Variants in ZNF716 observed in about 807,000 individuals in gnomAD.
ZNF716 encodes the protein zinc finger protein 716.
Under a neutral mutation model 13.4 loss-of-function variants are expected in ZNF716, and 9 were observed. The observed-to-expected ratio is 0.67, with a 90% CI of 0.41 to 1.18. The LOEUF (loss-of-function observed/expected upper bound fraction) is 1.18, where lower values mean the gene tolerates loss of function less well. ZNF716 is among the 50% of genes most tolerant of loss of function. The pLI, the probability that ZNF716 is intolerant of heterozygous loss-of-function variation, is 0.01. For missense variants in ZNF716, 581 were observed against 576.6 expected (o/e 1.01, Z -0.08); for synonymous variants, 186 against 195.2 (o/e 0.95, Z 0.39).
At position 57,473,107 on chromosome 7, in the gene ZNF716, C is replaced by A. The variant is rs1333806150; in HGVS notation, c.*3158C>A. 5.9e-5 allele frequency: 9 copies of A among 152,088 alleles called. No individual in the cohort carries two copies. 9.4% of individuals were successfully genotyped at this position (152,088 alleles called of 1,614,324 possible). On this transcript the variant is annotated 3_prime_UTR_variant, in exon 4 of 4. Transcript: ENST00000420713. ...GAGTATAATTAATACCCATACATTTCTGAGTCTTGATTAAATATTTTTAAA... is the reference window on the plus strand; with the variant it reads ...GAGTATAATTAATACCCATACATTTATGAGTCTTGATTAAATATTTTTAAA...
At position 57,468,855 on chromosome 7, in the gene ZNF716, G is replaced by A. The variant is rs1157429071; in HGVS notation, c.394G>A (p.Val132Ile). Residue 132 changes from valine (V) to isoleucine (I), a missense_variant, in exon 4 of 4, where the codon GTA (valine) becomes ATA (isoleucine). Physicochemically the swap from Val to Ile is conservative, Grantham distance 29. Transcript: ENST00000420713. ...ACAAGTAAAAAAATGCTGTAAAAGT[G>A]TAGGTGAGTGTGAGGTGCACAAAGG... ...DLQVKKCCKS[V>I]GECEVHKGGY... is the part of the protein sequence containing the mutation. 1.2e-6 allele frequency: 2 copies of A among 1,613,560 alleles called. No homozygotes were observed. Among genetic ancestry groups the A allele is most frequent in the African/African-American group, 2.7e-5 (2 of 74,894 alleles).
At position 57,469,603 on chromosome 7, in the gene ZNF716, C is replaced by T. The variant is rs879982410; in HGVS notation, c.1142C>T (p.Thr381Ile). 1.2e-6 allele frequency: 2 copies of T among 1,603,458 alleles called. No homozygotes were observed. Among genetic ancestry groups the T allele is most frequent in the Non-Finnish European group, 1.7e-6 (2 of 1,176,790 alleles). ...KRIHTGEKPY[T>I]CEECGKAFSL... ...ATTCATACTGGAGAGAAACCCTACA[C>T]TTGTGAAGAATGTGGCAAAGCCTTT... is the stretch of plus-strand genomic sequence containing the variant. The change falls in exon 4 of 4, where the codon ACT becomes ATT. Residue 381 changes from threonine (T) to isoleucine (I), a missense_variant. By Grantham distance (89) the Thr-to-Ile change is moderately conservative. Coordinates refer to ENST00000420713, the MANE Select transcript of ZNF716 (RefSeq NM_001159279.1).
chr7:57,462,039 A>T (rs1259656587), intron 1 of ZNF716, among the ~76,000 whole-genome samples: 1 of 152,024 alleles, frequency 6.6e-6, no homozygotes, highest in Non-Finnish European at 1.5e-5. Context: ...TCATGCCTGT[A>T]GTCCCAGCTA....
At chr7:57,451,886 C>T (rs973055424) in intron 1 of ZNF716, among the ~76,000 whole-genome samples, 29 of 151,934 alleles carry the variant, frequency 1.9e-4, no homozygotes, top group African/African-American at 6.8e-4. Context: ...CCTGCCTCAG[C>T]CTCCCAGGTA....
At chr7:57,451,256 C>A (rs1483622879) in intron 1 of ZNF716, among the ~76,000 whole-genome samples, 4 of 151,890 alleles carry the variant, frequency 2.6e-5, no homozygotes, top group Non-Finnish European at 5.9e-5. Context: ...CTGAAGTGAT[C>A]CGCCTGCCTT....
chr7:57,469,155 A>G lies in ZNF716; in HGVS notation c.694A>G (p.Lys232Glu). The G allele has an allele frequency of 6.2e-7, 1 of 1,612,082 alleles. No homozygotes were observed. Among genetic ancestry groups the G allele is most frequent in the Non-Finnish European group, 8.5e-7 (1 of 1,178,972 alleles). ...FNCSSTLTRH[K>E]RIHTGEKPYR... ...CTGCTCTTCAACCCTTACTAGACAT[A>G]AAAGAATTCATACTGGAGAGAAACC... is the stretch of plus-strand genomic sequence containing the variant. Residue 232 changes from lysine to glutamate, a missense_variant, in exon 4 of 4, where the codon AAA becomes GAA. Coordinates refer to ENST00000420713, the MANE Select transcript of ZNF716 (RefSeq NM_001159279.1).
chr7:57,459,242 TCA>T (rs1789661228), intron 1 of ZNF716, among the ~76,000 whole-genome samples: 1 of 151,826 alleles, frequency 6.6e-6, no homozygotes, highest in Non-Finnish European at 1.5e-5. Flanking sequence ...GAAAATTAAA[TCA>T]CAAAATGTGT....
chr7:57,462,479 A>G lies in ZNF716; in HGVS notation c.59A>G (p.Asp20Gly). 1 of 1,613,922 alleles carries G rather than the reference A, an allele frequency of 6.2e-7. No individual in the cohort carries two copies. Among genetic ancestry groups the G allele is most frequent in the Non-Finnish European group, 8.5e-7 (1 of 1,179,954 alleles). Residue 20 changes from aspartate (D) to glycine (G), a missense_variant, in exon 2 of 4, where the codon GAC (aspartate) becomes GGC (glycine). Asp to Gly is a moderately conservative substitution (Grantham distance 94). Coordinates refer to ENST00000420713, the MANE Select transcript of ZNF716 (RefSeq NM_001159279.1). The stretch of plus-strand genomic sequence containing the variant: ...TTTTAGGGACTGTTGACATTCAGAG[A>G]CATAGCTATAGAATTTTCTCTGGCG... ...SREMGLLTFRDIAIEFSLAEW... is the reference protein window; with the variant it reads ...SREMGLLTFRGIAIEFSLAEW...
At chr7:57,459,627 C>A (rs1184343762) in intron 1 of ZNF716, among the ~76,000 whole-genome samples, 2 of 152,090 alleles carry the variant, frequency 1.3e-5, no homozygotes, top group Non-Finnish European at 2.9e-5. Flanking sequence ...GCCAAGATTA[C>A]CAAGTGATTT....
At chr7:57,456,823 G>A (rs1789601063) in intron 1 of ZNF716, among the ~76,000 whole-genome samples, 1 of 152,076 alleles carries the variant, frequency 6.6e-6, no homozygotes, top group African/African-American at 2.4e-5. Flanking sequence ...GCCTGGAGGG[G>A]GACTCTGGAT....
chr7:57,464,747 A>C (rs561971718), intron 3 of ZNF716, among the ~76,000 whole-genome samples: 1 of 151,850 alleles, frequency 6.6e-6, no homozygotes, highest in Non-Finnish European at 1.5e-5. Context: ...TGTTGAAAAA[A>C]TTTTTTATAT....
chr7:57,451,052 C>T (rs376303971), intron 1 of ZNF716, among the ~76,000 whole-genome samples: 4 of 151,058 alleles, frequency 2.6e-5, no homozygotes, highest in Non-Finnish European at 5.9e-5. Context: ...GAGGGAGTCT[C>T]GCTCTGTTGC....
In ZNF716 at chr7:57,462,998, AC is replaced by A; in HGVS notation, c.167-74del. ...TAGAATTTTCTATCATATCCTCTTT[AC>A]TAAGCATAATACTTGTTTGGTAATT... is the stretch of plus-strand genomic sequence containing the variant. On this transcript the variant is annotated intron_variant, in intron 2 of 3. Transcript: ENST00000420713. 2.6e-6 allele frequency: 4 copies of A among 1,557,952 alleles called. No homozygotes were observed. In the South Asian group the frequency reaches 4.7e-5, roughly 18 times the overall value.
At chr7:57,455,602 C>G (rs1393824062) in intron 1 of ZNF716, among the ~76,000 whole-genome samples, 1 of 151,938 alleles carries the variant, frequency 6.6e-6, no homozygotes, top group African/African-American at 2.4e-5. Flanking sequence ...TTGCAATCTC[C>G]ACCTCCTGGA....
chr7:57,466,111 AC>A, intron 3 of ZNF716, among the ~76,000 whole-genome samples: 1 of 152,194 alleles, frequency 6.6e-6, no homozygotes. Context: ...GGTGCAGCAC[AC>A]CAGCATGGCA....
chr7:57,459,732 G>C (rs1408594648), intron 1 of ZNF716, among the ~76,000 whole-genome samples: 5 of 152,162 alleles, frequency 3.3e-5, no homozygotes, highest in Admixed American at 2.6e-4. Flanking sequence ...CAGTTTGGTA[G>C]GAAGAGGTCA....
At chr7:57,460,713 G>A (rs1789693616) in intron 1 of ZNF716, among the ~76,000 whole-genome samples, 2 of 151,962 alleles carry the variant, frequency 1.3e-5, no homozygotes, top group Admixed American at 1.3e-4. Flanking sequence ...ATATTTCTTT[G>A]GGGAAACACA....
At chr7:57,454,799 C>T (rs1334777598) in intron 1 of ZNF716, among the ~76,000 whole-genome samples, 7 of 151,952 alleles carry the variant, frequency 4.6e-5, no homozygotes, top group East Asian at 1.9e-4. Context: ...CCGAGGCGGG[C>T]GGATCATGAG....
chr7:57,464,040 G>A (rs1365303754), intron 3 of ZNF716, among the ~76,000 whole-genome samples: 1 of 149,420 alleles, frequency 6.7e-6, no homozygotes, highest in Non-Finnish European at 1.5e-5. Context: ...TATTAATTTT[G>A]TGCAACCTTT....
Sources: gnomAD v4.1 joint callset for allele counts (sites outside exome capture counted in the v4.1 genomes callset) on GRCh38, gnomAD v4.1.1 for gene constraint, MANE v1.5 for transcripts, NCBI Gene and HGNC (gene_info 2026-07-23, HGNC 2026-07-21) for gene names.